SORCS2: variants seen among roughly 807,000 people sequenced by gnomAD.
The protein encoded by SORCS2 is sortilin related VPS10 domain containing receptor 2.
In SORCS2, 100 loss-of-function variants were observed where a neutral mutation model predicts 141.6. That is an observed-to-expected ratio of 0.71 (90% CI 0.60 to 0.83). The LOEUF (loss-of-function observed/expected upper bound fraction) is 0.83. Ranked by LOEUF, SORCS2 falls within the 40% of genes least tolerant of loss-of-function variation. The pLI, the probability that SORCS2 is intolerant of heterozygous loss-of-function variation, is 0.00. For missense variants in SORCS2, 1,646 were observed against 1,560.2 expected (o/e 1.05, Z -0.93); for synonymous variants, 789 against 676.9 (o/e 1.17, Z -2.57).
chr4:7,335,844 C>A (rs569735215), intron 1 of SORCS2, among the ~76,000 whole-genome samples: 1 of 152,328 alleles, frequency 6.6e-6, no homozygotes, highest in East Asian at 1.9e-4. Flanking sequence ...GGATGCCTGG[C>A]ATGGAGTGCG....
At chr4:7,537,333 G>C (rs985280620) in intron 3 of SORCS2, among the ~76,000 whole-genome samples, 1 of 152,214 alleles carries the variant, frequency 6.6e-6, no homozygotes, top group African/African-American at 2.4e-5. Context: ...AAGAGTAGCA[G>C]CCATGAAAGA....
intron 1 of SORCS2, among the ~76,000 whole-genome samples, chr4:7,289,510 A>G (rs1716469676): frequency 6.6e-6 from 1 of 152,210 alleles, no homozygotes; most frequent in Admixed American, 6.5e-5. Flanking sequence ...AGTGCCTGGA[A>G]CAGTGCTGGA....
intron 1 of SORCS2, among the ~76,000 whole-genome samples, chr4:7,343,519 C>T (rs1720484861): frequency 8.5e-5 from 13 of 152,244 alleles, no homozygotes; most frequent in Admixed American, 8.5e-4. Context: ...TCTCCCCATC[C>T]TGGCACCTGC....
At chr4:7,456,098 C>G (rs150524282) in intron 2 of SORCS2, among the ~76,000 whole-genome samples, 2 of 152,172 alleles carry the variant, frequency 1.3e-5, no homozygotes, top group African/African-American at 4.8e-5. Flanking sequence ...GTGGTCGTCC[C>G]TCTATGTGTC....
At chr4:7,696,466 C>A (rs182306866) in intron 11 of SORCS2, among the ~76,000 whole-genome samples, 32 of 152,278 alleles carry the variant, frequency 2.1e-4, no homozygotes, top group African/African-American at 7.7e-4. Context: ...GTTGTTCTTT[C>A]TACAGGAGAC....
Position 7,689,620 on chromosome 4 carries a change from G to T in SORCS2, c.1591+32G>T, listed in dbSNP as rs376326770. ...GGCTTCCATCACAGGTGGCTGGCAGGTGCCATTACAGCCCAAGAGTACCTC... is the reference window on the plus strand; with the variant it reads ...GGCTTCCATCACAGGTGGCTGGCAGTTGCCATTACAGCCCAAGAGTACCTC... On this transcript the variant is annotated intron_variant, in intron 11 of 26. Coordinates refer to ENST00000507866, the MANE Select transcript of SORCS2 (RefSeq NM_020777.3). 61 of 1,546,574 alleles carry T rather than the reference G, an allele frequency of 3.9e-5. No homozygotes were observed. The African/African-American group carries it at 8.2e-4, about 21-fold the overall frequency.
intron 2 of SORCS2, among the ~76,000 whole-genome samples, chr4:7,422,041 C>T (rs1239474390): frequency 6.6e-6 from 1 of 152,208 alleles, no homozygotes; most frequent in Admixed American, 6.5e-5. Context: ...GCAGTCCAGC[C>T]TGGTCGGTGC....
chr4:7,656,087 A>C (rs978677524), intron 5 of SORCS2, among the ~76,000 whole-genome samples: 1 of 152,218 alleles, frequency 6.6e-6, no homozygotes, highest in Non-Finnish European at 1.5e-5. Context: ...TAAGCGGTGA[A>C]TAATGCTGTT....
intron 3 of SORCS2, among the ~76,000 whole-genome samples, chr4:7,607,899 C>G (rs1430484436): frequency 2.0e-5 from 3 of 152,164 alleles, no homozygotes; most frequent in Non-Finnish European, 4.4e-5. Context: ...TTGGTGGCAT[C>G]CTTGAAGTCA....
At chr4:7,365,546 C>T (rs574375598) in intron 1 of SORCS2, among the ~76,000 whole-genome samples, 10 of 152,054 alleles carry the variant, frequency 6.6e-5, no homozygotes, top group Non-Finnish European at 8.8e-5. Flanking sequence ...AACAATTTTT[C>T]AAGAAAGGAT....
intron 1 of SORCS2, among the ~76,000 whole-genome samples, chr4:7,329,763 C>T (rs556878404): frequency 2.2e-4 from 34 of 152,202 alleles, no homozygotes; most frequent in Non-Finnish European, 3.8e-4. Flanking sequence ...GTGAAAGTGA[C>T]ATCCATCCTG....
At chr4:7,297,669 A>G (rs1302841558) in intron 1 of SORCS2, among the ~76,000 whole-genome samples, 1 of 152,196 alleles carries the variant, frequency 6.6e-6, no homozygotes, top group Non-Finnish European at 1.5e-5. Context: ...ACCGTGCTCT[A>G]TGGTTCCCAA....
intron 1 of SORCS2, among the ~76,000 whole-genome samples, chr4:7,315,698 C>G (rs575365555): frequency 7.8e-4 from 119 of 152,366 alleles, no homozygotes; most frequent in African/African-American, 2.8e-3. Context: ...TTCCATGAAG[C>G]CTTCCTTTCT....
intron 2 of SORCS2, among the ~76,000 whole-genome samples, chr4:7,461,701 A>T (rs78261673): frequency 0.019 from 2,839 of 152,324 alleles, 24 homozygotes; most frequent in African/African-American, 0.039. Flanking sequence ...CACGGTCTGC[A>T]GCCATCCTCA....
chr4:7,411,229 C>T (rs1376502211), intron 2 of SORCS2, among the ~76,000 whole-genome samples: 1 of 151,978 alleles, frequency 6.6e-6, no homozygotes, highest in African/African-American at 2.4e-5. Flanking sequence ...GCTGGGATTG[C>T]AGGCATGAGC....
chr4:7,383,462 G>A (rs566406714), intron 1 of SORCS2, among the ~76,000 whole-genome samples: 1 of 152,204 alleles, frequency 6.6e-6, no homozygotes, highest in South Asian at 2.1e-4. Context: ...TTTCTAAAGA[G>A]AAATTCTTGG....
At chr4:7,502,054 C>T (rs1436006467) in intron 2 of SORCS2, among the ~76,000 whole-genome samples, 1 of 152,180 alleles carries the variant, frequency 6.6e-6, no homozygotes, top group Non-Finnish European at 1.5e-5. Flanking sequence ...GCTTCCTGAG[C>T]GCCAGTCACA....
intron 1 of SORCS2, among the ~76,000 whole-genome samples, chr4:7,293,400 C>T (rs970808693): frequency 5.3e-5 from 8 of 152,126 alleles, no homozygotes; most frequent in African/African-American, 1.4e-4. Context: ...CACAATCTCA[C>T]GACCTCCTGC....
chr4:7,577,587 A>T (rs1272618553), intron 3 of SORCS2, among the ~76,000 whole-genome samples: 1 of 150,288 alleles, frequency 6.7e-6, no homozygotes, highest in Non-Finnish European at 1.5e-5. Context: ...ATACAGGCGA[A>T]GTCAGCTAGT....
Sources: allele counts gnomAD v4.1 joint callset (sites outside exome capture counted in the v4.1 genomes callset), GRCh38; gene constraint gnomAD v4.1.1; transcripts MANE v1.5; gene names NCBI Gene and HGNC (gene_info 2026-07-23, HGNC 2026-07-21).